Variants in CNTN1 observed in about 807,000 individuals in gnomAD.
CNTN1 encodes the protein contactin 1.
A neutral mutation model predicts 126.4 loss-of-function variants in CNTN1; 38 were observed. The ratio of observed to expected loss-of-function variants is 0.30; its 90% CI spans 0.23 to 0.39. The LOEUF is 0.39. Ranked by LOEUF, CNTN1 falls within the 10% of genes least tolerant of loss-of-function variation. CNTN1 has a pLI of 1.00. For missense variants in CNTN1, 1,009 were observed against 1,248.4 expected, an observed-to-expected ratio of 0.81 and a Z score of 2.89; for synonymous variants, 413 against 422.6, an observed-to-expected ratio of 0.98 and a Z score of 0.28.
intron 1 of CNTN1, among the ~76,000 whole-genome samples, chr12:40,706,618 T>C (rs1435663651): frequency 6.7e-6 from 1 of 148,366 alleles, no homozygotes; most frequent in Non-Finnish European, 1.5e-5. Context: ...ATGTTTTGGA[T>C]GTTTTTAAGT....
intron 23 of CNTN1, among the ~76,000 whole-genome samples, chr12:41,056,917 T>TTATATTTAGATATTTATAAATATTATA (rs1555205942): frequency 0.016 from 1,139 of 69,834 alleles, 48 homozygotes; most frequent in Admixed American, 0.029. Context: ...TAAATATTTA[T>TTATATTTAGATATTTATAAATATTATA]AATATTTAGA....
intron 1 of CNTN1, among the ~76,000 whole-genome samples, chr12:40,743,574 T>C (rs1278131934): frequency 1.3e-5 from 2 of 152,058 alleles, no homozygotes; most frequent in Admixed American, 1.3e-4. Context: ...AAACAAAACA[T>C]GTTTCTTGGC....
At position 40,798,177 on chromosome 12, in the gene CNTN1, A is replaced by G. The variant is rs1035645922; in HGVS notation, c.-77+105585A>G. Among the ~76,000 whole-genome samples the G allele has an allele frequency of 4.6e-5, 7 of 151,970 alleles. No individual in the cohort carries two copies. The South Asian group carries it at 1.2e-3, about 27-fold the overall frequency. On this transcript the variant is annotated intron_variant, in intron 1 of 23. Transcript: ENST00000551295. ...TAAAGCATGATAATAAAAATGTTGC[A>G]CTGGGAAAGGAGACTGCAAATGAAT...
chr12:40,698,138 C>T (rs6581906), intron 1 of CNTN1, among the ~76,000 whole-genome samples: 132,249 of 151,954 alleles, frequency 0.87, 57,683 homozygotes, highest in East Asian at 1. Flanking sequence ...GCCCGGTTCT[C>T]CAGAGCATAG....
At chr12:40,822,083 C>T (rs1941456764) in intron 1 of CNTN1, among the ~76,000 whole-genome samples, 1 of 150,478 alleles carries the variant, frequency 6.6e-6, no homozygotes, top group South Asian at 2.1e-4. Context: ...AACTATGATC[C>T]TGAATTTGAT....
intron 1 of CNTN1, among the ~76,000 whole-genome samples, chr12:40,821,406 A>G (rs1941438049): frequency 6.6e-6 from 1 of 152,230 alleles, no homozygotes; most frequent in Admixed American, 6.5e-5. Context: ...TAAAGTAACT[A>G]AAATTAAATA....
Position 40,937,683 on chromosome 12 carries a change from C to G in CNTN1, c.1224C>G (p.Ile408Met). The part of the protein sequence containing the change: ...GAIYANAELK[I>M]LALAPTFEMN... ...TTTATGCAAATGCTGAGTTGAAGATCTTGGGTCAGTATCATTTCTAATTTC... is the reference window on the plus strand; with the variant it reads ...TTTATGCAAATGCTGAGTTGAAGATGTTGGGTCAGTATCATTTCTAATTTC... The change falls in exon 11 of 24, where the codon ATC becomes ATG. Residue 408 changes from isoleucine (I) to methionine (M), a missense_variant. Physicochemically the swap from Ile to Met is conservative, Grantham distance 10. Transcript: ENST00000551295. The G allele has an allele frequency of 1.3e-6, 2 of 1,553,276 alleles. No homozygotes were observed. Among genetic ancestry groups the G allele is most frequent in the Non-Finnish European group, 1.8e-6 (2 of 1,124,878 alleles).
chr12:40,989,065 C>A (rs145251366), intron 16 of CNTN1, among the ~76,000 whole-genome samples: 1 of 152,324 alleles, frequency 6.6e-6, no homozygotes, highest in East Asian at 1.9e-4. Flanking sequence ...AAAAAGGACA[C>A]AAAGTCTCTC....
At chr12:41,012,023 G>T (rs1566140380) in intron 17 of CNTN1, among the ~76,000 whole-genome samples, 2 of 152,172 alleles carry the variant, frequency 1.3e-5, no homozygotes, top group African/African-American at 2.4e-5. Flanking sequence ...ACAGCATAAA[G>T]CCTGGTTTCT....
At chr12:40,919,101 G>T (rs931642397) in intron 4 of CNTN1, among the ~76,000 whole-genome samples, 1 of 152,070 alleles carries the variant, frequency 6.6e-6, no homozygotes, top group Non-Finnish European at 1.5e-5. Flanking sequence ...ATACAGATTT[G>T]AGGATAAAAT....
chr12:41,020,883 T>C (rs1341362895), intron 20 of CNTN1, among the ~76,000 whole-genome samples: 2 of 152,194 alleles, frequency 1.3e-5, no homozygotes, highest in Non-Finnish European at 2.9e-5. Flanking sequence ...CGAATATGTC[T>C]TATGTTATCT....
chr12:40,805,913 G>T (rs935035567), intron 1 of CNTN1, among the ~76,000 whole-genome samples: 1 of 152,080 alleles, frequency 6.6e-6, no homozygotes, highest in African/African-American at 2.4e-5. Context: ...CTCTAGCGTG[G>T]CCTGATGCTT....
At chr12:40,876,258 G>A (rs1325761029) in intron 1 of CNTN1, among the ~76,000 whole-genome samples, 1 of 151,978 alleles carries the variant, frequency 6.6e-6, no homozygotes, top group Non-Finnish European at 1.5e-5. Context: ...CACGGCATGT[G>A]AGAAAGAAAA....
In CNTN1 at chr12:41,041,949, T is replaced by C. The variant is rs544639701; in HGVS notation, c.2980+12730T>C. Among the ~76,000 whole-genome samples the C allele has an allele frequency of 4.6e-5, 7 of 152,306 alleles. No homozygotes were observed. The South Asian group carries it at 1.2e-3, about 27-fold the overall frequency. On this transcript the variant is annotated intron_variant, in intron 23 of 23. Coordinates refer to ENST00000551295, the MANE Select transcript of CNTN1 (RefSeq NM_001843.4). ...GCTCTGATTTTAGTTATTTCTTGCC[T>C]TCTGCTAGCTTTTGAATATGTTTGC... is the stretch of plus-strand genomic sequence containing the variant.
At position 40,895,402 on chromosome 12, in the gene CNTN1, G is replaced by A. The variant is rs2136746240; in HGVS notation, c.-76-12955G>A. On this transcript the variant is annotated intron_variant, in intron 1 of 23. Transcript: ENST00000551295. ...GAAATTTATTTCCTACAGTTATGGA[G>A]GCTGAGAAGTCCAAGGTTGAGGGGC... Among the ~76,000 whole-genome samples, 3 of 152,296 alleles carry A rather than the reference G, an allele frequency of 2.0e-5. No homozygotes were observed. In the South Asian group the frequency reaches 6.2e-4, roughly 32 times the overall value.
At chr12:40,994,081 A>T (rs889126344) in intron 17 of CNTN1, among the ~76,000 whole-genome samples, 1 of 152,146 alleles carries the variant, frequency 6.6e-6, no homozygotes, top group African/African-American at 2.4e-5. Flanking sequence ...GAGATTAAAA[A>T]ATAATTTAAG....
intron 18 of CNTN1, among the ~76,000 whole-genome samples, 175 bp from the exon 19 acceptor site, chr12:41,016,507 A>G (rs1948784029): frequency 6.6e-6 from 1 of 152,158 alleles, no homozygotes; most frequent in Non-Finnish European, 1.5e-5. Context: ...TTTGGTAAAT[A>G]AGATCATCCC....
chr12:40,777,002 G>C (rs1469758539), intron 1 of CNTN1, among the ~76,000 whole-genome samples: 1 of 151,498 alleles, frequency 6.6e-6, no homozygotes, highest in South Asian at 2.1e-4. Context: ...GATTCTCTTG[G>C]CATTAACTGT....
intron 15 of CNTN1, among the ~76,000 whole-genome samples, chr12:40,959,618 C>T (rs1005875073): frequency 7.2e-5 from 11 of 152,126 alleles, no homozygotes; most frequent in African/African-American, 2.6e-4. Flanking sequence ...ATAACCTCAA[C>T]TGTTATATAT....
Sources: gnomAD v4.1 joint callset for allele counts (sites outside exome capture counted in the v4.1 genomes callset) on GRCh38, gnomAD v4.1.1 for gene constraint, MANE v1.5 for transcripts, NCBI Gene and HGNC (gene_info 2026-07-23, HGNC 2026-07-21) for gene names.